TTC28: variants seen among roughly 807,000 people sequenced by gnomAD.
TTC28 encodes tetratricopeptide repeat domain 28, also known as tetratricopeptide repeat protein 28.
In TTC28, 61 loss-of-function variants were observed where a neutral mutation model predicts 198.0. That is an observed-to-expected ratio of 0.31 (90% CI 0.25 to 0.38). The LOEUF is 0.38. Among genes scored for constraint, TTC28 ranks in the 10% least tolerant of loss-of-function variants. The pLI is 1.00. For synonymous variants in TTC28, 1,171 were observed against 1,297.8 expected (o/e 0.90, Z 2.10); for missense variants, 2,678 against 3,164.0 (o/e 0.85, Z 3.69).
chr22:28,036,734 G>GT (rs1388314511), intron 12 of TTC28, among the ~76,000 whole-genome samples: 3 of 152,078 alleles, frequency 2.0e-5, no homozygotes, highest in African/African-American at 7.2e-5. Flanking sequence ...CCAGGAGCTG[G>GT]TTTTTTGGAA....
intron 5 of TTC28, among the ~76,000 whole-genome samples, chr22:28,220,506 T>G (rs1297037305): frequency 1.3e-5 from 2 of 152,202 alleles, no homozygotes; most frequent in Non-Finnish European, 2.9e-5. Context: ...ATTGTAGAAC[T>G]GAGAGCTTCA....
chr22:28,232,486 G>C (rs1928887048), intron 5 of TTC28, among the ~76,000 whole-genome samples: 1 of 152,174 alleles, frequency 6.6e-6, no homozygotes, highest in Admixed American at 6.5e-5. Flanking sequence ...CATAGAGAAA[G>C]CTGCTAGTCC....
chr22:28,103,626 AG>A (rs1356483819), intron 8 of TTC28, among the ~76,000 whole-genome samples: 3 of 152,218 alleles, frequency 2.0e-5, no homozygotes, highest in African/African-American at 7.2e-5. Context: ...CATCAGCTGC[AG>A]GCTCTCTAGT....
At chr22:28,146,963 T>G (rs370031508) in intron 6 of TTC28, among the ~76,000 whole-genome samples, 3 of 152,332 alleles carry the variant, frequency 2.0e-5, no homozygotes, top group South Asian at 2.1e-4. Context: ...AATGAAAGCA[T>G]TCACTCCCAG....
In TTC28 at chr22:28,590,034, C is replaced by CAAAAAAAAA. The variant is rs71194779; in HGVS notation, c.381+39509_381+39517dup. 9.7e-4 allele frequency among the ~76,000 whole-genome samples: 66 copies of CAAAAAAAAA among 68,044 alleles called. 2 individuals carry two copies. The highest frequency in any genetic ancestry group is 1.3e-3 in the Non-Finnish European group (53 of 41,894). The allele number at this position is 68,044 out of a possible 152,430, so 44.6% of individuals were successfully genotyped here. A position where few individuals can be genotyped will look rare whatever the true frequency, so the allele number is the denominator to read the frequency against. The stretch of plus-strand genomic sequence containing the variant: ...CCTGGGCAACAGAACAAGACTCCAT[C>CAAAAAAAAA]AAAAAAAAAAAAAAAAAAAAAAAAA... On this transcript the variant is annotated intron_variant, in intron 2 of 22. Coordinates refer to ENST00000397906, the MANE Select transcript of TTC28 (RefSeq NM_001145418.2).
At chr22:28,245,622 T>C (rs1163094935) in intron 5 of TTC28, among the ~76,000 whole-genome samples, 1 of 152,220 alleles carries the variant, frequency 6.6e-6, no homozygotes, top group Non-Finnish European at 1.5e-5. Context: ...CAAAGTACCC[T>C]ATGCGTTTCA....
intron 6 of TTC28, among the ~76,000 whole-genome samples, chr22:28,112,895 G>A (rs1408538969): frequency 1.3e-5 from 2 of 152,114 alleles, no homozygotes; most frequent in Non-Finnish European, 2.9e-5. Context: ...AGGGTGTGTG[G>A]AGAAAGGACA....
intron 5 of TTC28, among the ~76,000 whole-genome samples, chr22:28,188,341 C>T (rs893444850): frequency 1.1e-4 from 16 of 151,944 alleles, no homozygotes; most frequent in Admixed American, 3.9e-4. Context: ...ACAGAGAAAA[C>T]GGAAACCAAA....
intron 2 of TTC28, among the ~76,000 whole-genome samples, chr22:28,370,852 G>C (rs758469098): frequency 6.6e-6 from 1 of 152,230 alleles, no homozygotes; most frequent in Non-Finnish European, 1.5e-5. Flanking sequence ...AGCATTAGCG[G>C]TGCATGACTT....
rs1936908887 is a variant in TTC28, at chr22:27,978,157, G to T, written c.*4064C>A. ...ATAAAAAGTTTAATGTCTGGAAATG[G>T]TGTAATTTACAAAAAAAGTCCACGT... On this transcript the variant is annotated 3_prime_UTR_variant, in exon 23 of 23. Transcript: ENST00000397906. 6.6e-6 allele frequency: 1 copy of T among 152,162 alleles called. No individual in the cohort carries two copies. The highest frequency in any genetic ancestry group is 2.4e-5 in the African/African-American group (1 of 41,432). 9.4% of individuals were successfully genotyped at this position (152,162 alleles called of 1,614,324 possible).
At chr22:28,435,022 T>G (rs932740073) in intron 2 of TTC28, among the ~76,000 whole-genome samples, 1 of 152,198 alleles carries the variant, frequency 6.6e-6, no homozygotes, top group African/African-American at 2.4e-5. Flanking sequence ...AGATATAAGA[T>G]AGATAAATTT....
At chr22:28,331,980 C>G (rs570494898) in intron 2 of TTC28, among the ~76,000 whole-genome samples, 1 of 152,072 alleles carries the variant, frequency 6.6e-6, no homozygotes, top group African/African-American at 2.4e-5. Flanking sequence ...AACTACACTT[C>G]TAAAGCAAAT....
At chr22:28,145,416 A>G (rs569929931) in intron 6 of TTC28, among the ~76,000 whole-genome samples, 1 of 152,180 alleles carries the variant, frequency 6.6e-6, no homozygotes, top group African/African-American at 2.4e-5. Context: ...TACACCACCT[A>G]CTTGAGTCTC....
intron 2 of TTC28, among the ~76,000 whole-genome samples, chr22:28,501,479 A>G (rs544099419): frequency 5.7e-4 from 87 of 152,326 alleles, no homozygotes; most frequent in Admixed American, 1.2e-3. Context: ...AGTTTAGCAG[A>G]GGTCAGATCA....
intron 5 of TTC28, among the ~76,000 whole-genome samples, chr22:28,167,258 G>A (rs1054026209): frequency 1.4e-4 from 21 of 152,154 alleles, no homozygotes; most frequent in African/African-American, 4.3e-4. Context: ...GGAGGAGCTG[G>A]TACCATTCCT....
chr22:28,490,376 A>C (rs1460514561), intron 2 of TTC28, among the ~76,000 whole-genome samples: 1 of 152,190 alleles, frequency 6.6e-6, no homozygotes, highest in Non-Finnish European at 1.5e-5. Context: ...TCAGGGATGC[A>C]GGCTTCAAGA....
chr22:28,017,875 C>A (rs138680), intron 13 of TTC28, among the ~76,000 whole-genome samples: 15,560 of 152,106 alleles, frequency 0.1, 851 homozygotes, highest in Non-Finnish European at 0.11. Context: ...CAAGAACCAG[C>A]GATTAATGGG....
chr22:28,650,250 G>A (rs1269168595), intron 1 of TTC28, among the ~76,000 whole-genome samples: 1 of 151,922 alleles, frequency 6.6e-6, no homozygotes, highest in African/African-American at 2.4e-5. Context: ...GAGAAGAAAA[G>A]GAAAATTGAT....
chr22:28,653,820 T>C (rs1194341963), intron 1 of TTC28, among the ~76,000 whole-genome samples: 1 of 152,152 alleles, frequency 6.6e-6, no homozygotes, highest in African/African-American at 2.4e-5. Context: ...TAATGTTGTG[T>C]CAGTTTAATT....
Sources: allele counts gnomAD v4.1 joint callset (sites outside exome capture counted in the v4.1 genomes callset), GRCh38; gene constraint gnomAD v4.1.1; transcripts MANE v1.5; gene names NCBI Gene and HGNC (gene_info 2026-07-23, HGNC 2026-07-21).